Variants in KLF8 observed in about 807,000 individuals in gnomAD.
KLF8 encodes KLF transcription factor 8.
A neutral mutation model predicts 18.2 loss-of-function variants in KLF8; 10 were observed. The observed-to-expected ratio is 0.55, with a 90% CI of 0.34 to 0.93. The LOEUF is 0.93. Ranked by LOEUF, KLF8 falls within the 40% of genes least tolerant of loss-of-function variation. The pLI, the probability that KLF8 is intolerant of heterozygous loss-of-function variation, is 0.02. For missense variants in KLF8, 264 were observed against 277.9 expected, an observed-to-expected ratio of 0.95 and a Z score of 0.36; for synonymous variants, 109 against 97.3, an observed-to-expected ratio of 1.12 and a Z score of -0.71.
the KLF8 span, among the ~76,000 whole-genome samples, chrX:55,945,256 C>T: frequency 0.086 from 9,346 of 109,013 alleles, 1,005 homozygotes; most frequent in African/African-American, 0.3. Context: ...TCCAACTATG[C>T]GGTCAATTTT....
chrX:56,236,990 A>G (rs186191277), intron 1 of KLF8, among the ~76,000 whole-genome samples: 1,248 of 102,393 alleles, frequency 0.012, 7 homozygotes, highest in African/African-American at 0.045. Flanking sequence ...TATATGGTTC[A>G]GTATCTTCTG....
the KLF8 span, among the ~76,000 whole-genome samples, chrX:56,019,774 C>T: frequency 9.0e-6 from 1 of 111,533 alleles, no homozygotes; most frequent in Non-Finnish European, 1.9e-5. Context: ...CCACAAAGTC[C>T]CTGAGGAACA....
At chrX:56,235,616 A>T (rs1406447586) in intron 1 of KLF8, among the ~76,000 whole-genome samples, 1 of 109,291 alleles carries the variant, frequency 9.1e-6, no homozygotes, top group African/African-American at 3.3e-5. Flanking sequence ...GGGTTTCTCC[A>T]TGTTGGTCAG....
chrX:56,069,084 G>T, the KLF8 span, among the ~76,000 whole-genome samples: 23 of 111,103 alleles, frequency 2.1e-4, no homozygotes, highest in Non-Finnish European at 3.6e-4. Flanking sequence ...ACAGCCTCCT[G>T]TTGTCCCAGG....
the KLF8 span, among the ~76,000 whole-genome samples, chrX:56,196,812 T>A: frequency 4.5e-5 from 5 of 111,389 alleles, no homozygotes; most frequent in Admixed American, 1.9e-4. Flanking sequence ...CAGCACCACA[T>A]CTCATTATTC....
the KLF8 span, among the ~76,000 whole-genome samples, chrX:55,966,435 G>A: frequency 8.9e-6 from 1 of 111,808 alleles, no homozygotes; most frequent in African/African-American, 3.3e-5. Context: ...CTATTTGGAA[G>A]AAAACAAGGG....
At chrX:55,977,807 C>A in the KLF8 span, among the ~76,000 whole-genome samples, 1 of 110,901 alleles carries the variant, frequency 9.0e-6, no homozygotes, top group Non-Finnish European at 1.9e-5. Flanking sequence ...TTGTGGGAGA[C>A]GAGAGTAGAA....
chrX:56,168,631 A>G, the KLF8 span, among the ~76,000 whole-genome samples: 5 of 105,962 alleles, frequency 4.7e-5, no homozygotes, highest in Non-Finnish European at 9.8e-5. Flanking sequence ...TATATCTCCT[A>G]ATGCTATCCC....
At chrX:56,064,402 C>T in the KLF8 span, among the ~76,000 whole-genome samples, 6 of 108,722 alleles carry the variant, frequency 5.5e-5, no homozygotes, top group Admixed American at 1.0e-4. Context: ...TTACTAGATA[C>T]GCATTTACAT....
At chrX:56,222,169 T>A in the KLF8 span, among the ~76,000 whole-genome samples, 5 of 110,750 alleles carry the variant, frequency 4.5e-5, no homozygotes, top group Non-Finnish European at 3.8e-5. Flanking sequence ...ATCCCTTAGC[T>A]AGACATAAAG....
the KLF8 span, among the ~76,000 whole-genome samples, chrX:55,999,976 G>A: frequency 9.0e-6 from 1 of 111,524 alleles, no homozygotes; most frequent in South Asian, 3.8e-4. Context: ...GTTGTCTGTG[G>A]GTTTGTCATA....
the KLF8 span, among the ~76,000 whole-genome samples, chrX:56,193,302 C>T: frequency 1.8e-5 from 2 of 111,963 alleles, no homozygotes; most frequent in African/African-American, 3.2e-5. Flanking sequence ...TGGCTTTTAT[C>T]CAAAACACAG....
the KLF8 span, among the ~76,000 whole-genome samples, chrX:55,934,453 T>C: frequency 8.9e-6 from 1 of 112,140 alleles, no homozygotes; most frequent in Non-Finnish European, 1.9e-5. Context: ...AGAAGCAGAA[T>C]GTCCAAGTGC....
At chrX:56,045,537 A>T in the KLF8 span, among the ~76,000 whole-genome samples, 1 of 111,729 alleles carries the variant, frequency 9.0e-6, no homozygotes, top group South Asian at 3.7e-4. Flanking sequence ...TGAAAATAAG[A>T]TTTGTTTTCA....
chrX:56,187,834 T>G, the KLF8 span, among the ~76,000 whole-genome samples: 2 of 112,069 alleles, frequency 1.8e-5, no homozygotes, highest in African/African-American at 6.5e-5. Context: ...TGCTTCATGC[T>G]AAAAACTCTC....
chrX:55,982,135 A>G, the KLF8 span, among the ~76,000 whole-genome samples: 2 of 111,282 alleles, frequency 1.8e-5, no homozygotes, highest in Non-Finnish European at 3.8e-5. Context: ...TTCAGTAGAG[A>G]TACTCTCCAG....
the KLF8 span, among the ~76,000 whole-genome samples, chrX:56,049,193 A>G: frequency 9.0e-6 from 1 of 111,646 alleles, no homozygotes; most frequent in East Asian, 2.8e-4. Flanking sequence ...TTCTAGATAT[A>G]TAATCATGTC....
At chrX:56,076,311 C>A in the KLF8 span, among the ~76,000 whole-genome samples, 1 of 80,629 alleles carries the variant, frequency 1.2e-5, no homozygotes, top group Non-Finnish European at 2.3e-5. Flanking sequence ...CCACAACAGT[C>A]CCCAGAGTGT....
chrX:56,222,724 G>A, the KLF8 span, among the ~76,000 whole-genome samples: 1 of 113,038 alleles, frequency 8.8e-6, no homozygotes, highest in Non-Finnish European at 1.9e-5. Flanking sequence ...CGGGCTGCAG[G>A]TCCAGAACCC....
Sources: gnomAD v4.1 joint callset for allele counts (sites outside exome capture counted in the v4.1 genomes callset) on GRCh38, gnomAD v4.1.1 for gene constraint, MANE v1.5 for transcripts, NCBI Gene and HGNC (gene_info 2026-07-23, HGNC 2026-07-21) for gene names.